NME8: variants seen among roughly 807,000 people sequenced by gnomAD.
The protein encoded by NME8 is protein NME8.
In NME8, 72 loss-of-function variants were observed where a neutral mutation model predicts 82.3. The ratio of observed to expected loss-of-function variants is 0.87; its 90% CI spans 0.72 to 1.06. The LOEUF (loss-of-function observed/expected upper bound fraction) is 1.06. Ranked by LOEUF, NME8 falls within the 50% of genes least tolerant of loss-of-function variation. The probability of loss-of-function intolerance (pLI) is 0.00; values close to 1 mark genes in which losing one functional copy is unlikely to be tolerated. For synonymous variants in NME8, 267 were observed against 228.5 expected (o/e 1.17, Z -1.52); for missense variants, 712 against 685.4 (o/e 1.04, Z -0.43).
chr7:37,854,711 A>C (rs1313838935), intron 5 of NME8, among the ~76,000 whole-genome samples: 4 of 151,920 alleles, frequency 2.6e-5, no homozygotes, highest in Non-Finnish European at 5.9e-5. Context: ...CTTTAGAGGC[A>C]CTCATCTCTA....
chr7:37,866,669 G>A (rs1784687184), intron 10 of NME8, among the ~76,000 whole-genome samples: 1 of 152,140 alleles, frequency 6.6e-6, no homozygotes, highest in Non-Finnish European at 1.5e-5. Context: ...GACTGGGAAG[G>A]GATAGGGAGA....
chr7:37,853,604 G>C (rs1385149774), intron 5 of NME8, among the ~76,000 whole-genome samples: 2 of 152,120 alleles, frequency 1.3e-5, no homozygotes, highest in African/African-American at 4.8e-5. Flanking sequence ...CGTTCACATA[G>C]ACTAGGGGTT....
chr7:37,887,894 G>A (rs1050758393), intron 14 of NME8, among the ~76,000 whole-genome samples: 12 of 152,092 alleles, frequency 7.9e-5, no homozygotes, highest in South Asian at 4.2e-4. Context: ...CACAAGAACA[G>A]CATGGGAGAA....
At chr7:37,860,301 C>A (rs1462767632) in intron 6 of NME8, among the ~76,000 whole-genome samples, 1 of 152,166 alleles carries the variant, frequency 6.6e-6, no homozygotes, top group Non-Finnish European at 1.5e-5. Context: ...AATTTTACTT[C>A]TTTTCTTTTC....
chr7:37,874,062 A>C lies in NME8; in HGVS notation c.819-2770A>C, dbSNP rs1323900905. 3.9e-5 allele frequency among the ~76,000 whole-genome samples: 6 copies of C among 152,216 alleles called. No individual in the cohort carries two copies. In the South Asian group the frequency reaches 1.0e-3, roughly 26 times the overall value. On this transcript the variant is annotated intron_variant, in intron 11 of 17. Transcript: ENST00000199447. ...GCTAAGATATTTACCTGGTAGAGCAAATGAAGATCTTCAAGGACATACTTA... is the reference window on the plus strand; with the variant it reads ...GCTAAGATATTTACCTGGTAGAGCACATGAAGATCTTCAAGGACATACTTA...
chr7:37,899,358 G>A (rs963188396), intron 17 of NME8, among the ~76,000 whole-genome samples: 1 of 152,144 alleles, frequency 6.6e-6, no homozygotes, highest in Non-Finnish European at 1.5e-5. Flanking sequence ...GCCATAAAAG[G>A]GAATGAGATC....
intron 11 of NME8, among the ~76,000 whole-genome samples, chr7:37,872,154 C>T (rs908422525): frequency 3.3e-5 from 5 of 152,054 alleles, no homozygotes; most frequent in African/African-American, 1.2e-4. Flanking sequence ...TTCACTGAGA[C>T]TTCCTGACTC....
At position 37,862,025 on chromosome 7, in the gene NME8, T is replaced by C. The variant is rs191137504; in HGVS notation, c.271-3T>C. On this transcript the variant is annotated splice_polypyrimidine_tract_variant and splice_region_variant and intron_variant, in intron 6 of 17. Coordinates refer to ENST00000199447, the MANE Select transcript of NME8 (RefSeq NM_016616.5). ...TCCCCTCCTGTTTTCATTTCCCTTA[T>C]AGAATGGCAAAATTATCGAAAAGAT... is the stretch of plus-strand genomic sequence containing the variant. 1,317 of 1,605,268 alleles carry C rather than the reference T, an allele frequency of 8.2e-4. 21 individuals carry two copies. The Admixed American group carries it at 0.016, about 20-fold the overall frequency.
At chr7:37,882,644 AGAAAGAAAGAAAG>A (rs1784980967) in intron 12 of NME8, among the ~76,000 whole-genome samples, 11 of 85,072 alleles carry the variant, frequency 1.3e-4, no homozygotes, top group African/African-American at 3.6e-4. Flanking sequence ...AGAAAGAAAG[AGAAAGAAAGAAAG>A]AGAAAGAAAG....
At position 37,857,218 on chromosome 7, in the gene NME8, C is replaced by G. The variant is rs1784524446; in HGVS notation, c.199-56C>G. The stretch of plus-strand genomic sequence containing the variant: ...TCTGCATTGTTTCAACATAGTGTAT[C>G]AAATTACTTGAATATAGTTTTATTT... On this transcript the variant is annotated intron_variant, in intron 5 of 17. Coordinates refer to ENST00000199447, the MANE Select transcript of NME8 (RefSeq NM_016616.5). 2.3e-6 allele frequency: 3 copies of G among 1,308,856 alleles called. No individual in the cohort carries two copies. In the East Asian group the frequency reaches 7.5e-5, roughly 33 times the overall value. 81.1% of individuals were successfully genotyped at this position (1,308,856 alleles called of 1,614,324 possible). A position where few individuals can be genotyped will look rare whatever the true frequency, so the allele number is the denominator to read the frequency against.
chr7:37,850,753 A>G lies in NME8; in HGVS notation c.198+18A>G. On this transcript the variant is annotated intron_variant, in intron 5 of 17. Coordinates refer to ENST00000199447, the MANE Select transcript of NME8 (RefSeq NM_016616.5). Reference sequence around the variant, plus strand: ...TTGCTGTCGTAAGAATTTTGTTTTCATTAAACCACTGTTTTCACATTATAT... The same window carrying G: ...TTGCTGTCGTAAGAATTTTGTTTTCGTTAAACCACTGTTTTCACATTATAT... The G allele has an allele frequency of 6.7e-7, 1 of 1,485,458 alleles. No individual in the cohort carries two copies. The highest frequency in any genetic ancestry group is 9.4e-7 in the Non-Finnish European group (1 of 1,063,696). The allele number at this position is 1,485,458 out of a possible 1,614,324, so 92.0% of individuals were successfully genotyped here.
intron 7 of NME8, among the ~76,000 whole-genome samples, chr7:37,862,772 T>C (rs1583629710): frequency 6.6e-6 from 1 of 152,286 alleles, no homozygotes; most frequent in South Asian, 2.1e-4. Context: ...TTTGCAGTTT[T>C]CTTATTTATT....
At chr7:37,860,067 A>G (rs572447126) in intron 6 of NME8, among the ~76,000 whole-genome samples, 13 of 152,366 alleles carry the variant, frequency 8.5e-5, no homozygotes, top group African/African-American at 3.1e-4. Flanking sequence ...GATAATTCAC[A>G]GAATTGTTGA....
At chr7:37,864,534 G>T in intron 9 of NME8, 113 bp downstream of exon 9, 1 of 1,098,612 alleles carries the variant, frequency 9.1e-7, no homozygotes, top group Non-Finnish European at 1.3e-6. Context: ...ATGCACTACT[G>T]GTGCTAGGTA....
chr7:37,876,468 A>G (rs1784855015), intron 11 of NME8, among the ~76,000 whole-genome samples: 1 of 152,024 alleles, frequency 6.6e-6, no homozygotes, highest in Non-Finnish European at 1.5e-5. Context: ...ATGCACTTTT[A>G]GATAACCCTT....
At chr7:37,886,964 A>G (rs920086110) in intron 14 of NME8, among the ~76,000 whole-genome samples, 1 of 152,200 alleles carries the variant, frequency 6.6e-6, no homozygotes, top group African/African-American at 2.4e-5. Context: ...CCAAGTTTCC[A>G]GTGATGTGGA....
At chr7:37,855,585 A>C (rs1211887465) in intron 5 of NME8, among the ~76,000 whole-genome samples, 1 of 152,088 alleles carries the variant, frequency 6.6e-6, no homozygotes, top group Non-Finnish European at 1.5e-5. Context: ...TTTTCTCCTT[A>C]ATTATTTTCT....
chr7:37,872,999 C>T (rs1410557678), intron 11 of NME8, among the ~76,000 whole-genome samples: 1 of 152,188 alleles, frequency 6.6e-6, no homozygotes, highest in Non-Finnish European at 1.5e-5. Context: ...ATCATCTTAA[C>T]AGCCTCTTCC....
At chr7:37,899,564 T>C (rs1785282953) in intron 17 of NME8, among the ~76,000 whole-genome samples, 1 of 152,066 alleles carries the variant, frequency 6.6e-6, no homozygotes, top group African/African-American at 2.4e-5. Flanking sequence ...GAAGAATAGC[T>C]AATGGATGCT....
Sources: gnomAD v4.1 joint callset for allele counts (sites outside exome capture counted in the v4.1 genomes callset) on GRCh38, gnomAD v4.1.1 for gene constraint, MANE v1.5 for transcripts, NCBI Gene and HGNC (gene_info 2026-07-23, HGNC 2026-07-21) for gene names.